The following BABAM2 variants were observed in gnomAD, a reference collection of about 807,000 sequenced individuals.
The protein encoded by BABAM2 is BRISC and BRCA1-A complex member 2.
Under a neutral mutation model 54.7 loss-of-function variants are expected in BABAM2, and 31 were observed. The ratio of observed to expected loss-of-function variants is 0.57; its 90% confidence interval spans 0.43 to 0.77. The LOEUF (loss-of-function observed/expected upper bound fraction) is 0.77, where lower values mean the gene tolerates loss of function less well. BABAM2 is among the 30% of genes least tolerant of loss of function. The pLI, the probability that BABAM2 is intolerant of heterozygous loss-of-function variation, is 0.00. For missense variants in BABAM2, 364 were observed against 455.8 expected (o/e 0.80, Z 1.83); for synonymous variants, 167 against 162.9 (o/e 1.03, Z -0.19).
At chr2:28,189,149 C>A (rs1388495656) in intron 7 of BABAM2, among the ~76,000 whole-genome samples, 2 of 149,978 alleles carry the variant, frequency 1.3e-5, no homozygotes, top group African/African-American at 4.9e-5. Flanking sequence ...TGCAGTGAGT[C>A]AAAATTGTCC....
chr2:28,193,180 A>G (rs1233729266), intron 7 of BABAM2, among the ~76,000 whole-genome samples: 1 of 152,182 alleles, frequency 6.6e-6, no homozygotes, highest in Non-Finnish European at 1.5e-5. Flanking sequence ...CAAAAAAGAA[A>G]CAAAGAAATA....
chr2:28,091,540 C>A (rs1395613080), intron 6 of BABAM2, among the ~76,000 whole-genome samples: 1 of 152,182 alleles, frequency 6.6e-6, no homozygotes, highest in African/African-American at 2.4e-5. Context: ...ATCTCCAAAG[C>A]TCTTTCCAGT....
intron 11 of BABAM2, among the ~76,000 whole-genome samples, chr2:28,330,825 TA>T (rs113229170): frequency 1.3e-5 from 2 of 152,242 alleles, no homozygotes; most frequent in Non-Finnish European, 2.9e-5. Flanking sequence ...AGAATTTTTT[TA>T]AAAATTCTAC....
chr2:28,045,136 T>C (rs2148610544), intron 5 of BABAM2, among the ~76,000 whole-genome samples: 1 of 152,234 alleles, frequency 6.6e-6, no homozygotes, highest in Non-Finnish European at 1.5e-5. Flanking sequence ...TCGCCAAACC[T>C]CCGTACCTCT....
In BABAM2 at chr2:28,195,724, C is replaced by T. The variant is rs114741567; in HGVS notation, c.681-41478C>T. 9.4e-3 allele frequency among the ~76,000 whole-genome samples: 1,438 copies of T among 152,244 alleles called. 13 individuals carry two copies. Among genetic ancestry groups the T allele is most frequent in the Non-Finnish European group, 0.015 (1,042 of 68,024 alleles). On this transcript the variant is annotated intron_variant, in intron 7 of 11. Coordinates refer to ENST00000379624, the MANE Select transcript of BABAM2 (RefSeq NM_199191.3). ...CTTTATAAAAGTGACTGTCATAGGACAGTAAGTGTATTTGACACAGGCCAT... is the reference window on the plus strand; with the variant it reads ...CTTTATAAAAGTGACTGTCATAGGATAGTAAGTGTATTTGACACAGGCCAT...
chr2:28,173,545 A>C (rs1371614585), intron 7 of BABAM2, among the ~76,000 whole-genome samples: 1 of 152,222 alleles, frequency 6.6e-6, no homozygotes, highest in African/African-American at 2.4e-5. Context: ...GCAGTGACCC[A>C]GCATAGTGCT....
chr2:28,044,449 T>G (rs1273049645), intron 5 of BABAM2, among the ~76,000 whole-genome samples: 2 of 152,190 alleles, frequency 1.3e-5, no homozygotes, highest in African/African-American at 4.8e-5. Flanking sequence ...CAGGCTGGTC[T>G]CGATGTCCTG....
intron 10 of BABAM2, among the ~76,000 whole-genome samples, chr2:28,264,890 A>G (rs1031361787): frequency 5.3e-5 from 8 of 152,220 alleles, no homozygotes; most frequent in Non-Finnish European, 1.2e-4. Context: ...CAGAAAACCA[A>G]CACAATCTGA....
intron 10 of BABAM2, among the ~76,000 whole-genome samples, chr2:28,271,089 GAA>G: frequency 6.6e-6 from 1 of 152,292 alleles, no homozygotes; most frequent in East Asian, 1.9e-4. Context: ...TCCCAGTTTG[GAA>G]GATAGCTGTC....
chr2:28,195,745 G>A (rs565448680), intron 7 of BABAM2, among the ~76,000 whole-genome samples: 1 of 152,186 alleles, frequency 6.6e-6, no homozygotes, highest in South Asian at 2.1e-4. Flanking sequence ...TTTGACACAG[G>A]CCATCAGCAG....
intron 4 of BABAM2, among the ~76,000 whole-genome samples, chr2:27,991,731 A>T (rs1672787849): frequency 6.6e-6 from 1 of 152,142 alleles, no homozygotes; most frequent in African/African-American, 2.4e-5. Context: ...TTATTTTCTT[A>T]TTGCCAAATA....
chr2:28,128,313 G>A (rs1045444552), intron 6 of BABAM2, among the ~76,000 whole-genome samples: 2 of 152,172 alleles, frequency 1.3e-5, no homozygotes, highest in African/African-American at 4.8e-5. Flanking sequence ...TTGACTTGGA[G>A]CCACTACCAA....
intron 11 of BABAM2, among the ~76,000 whole-genome samples, chr2:28,319,077 T>C (rs1481508413): frequency 6.6e-6 from 1 of 152,166 alleles, no homozygotes; most frequent in Non-Finnish European, 1.5e-5. Flanking sequence ...CCTTTAAAAA[T>C]GCAAATTAGG....
At chr2:28,256,774 A>G (rs898207764) in intron 10 of BABAM2, among the ~76,000 whole-genome samples, 4 of 142,978 alleles carry the variant, frequency 2.8e-5, no homozygotes, top group East Asian at 4.1e-4. Context: ...AGCTCACTGC[A>G]GCCTCTGTCT....
intron 10 of BABAM2, among the ~76,000 whole-genome samples, chr2:28,278,715 G>A (rs1368518899): frequency 1.3e-5 from 2 of 152,176 alleles, no homozygotes; most frequent in African/African-American, 4.8e-5. Flanking sequence ...AAACAGATCT[G>A]GGAAAGGCCA....
rs184952991 is a variant in BABAM2, at chr2:28,243,713, A to T, written c.852-1067A>T. Among the ~76,000 whole-genome samples, 903 of 152,276 alleles carry T rather than the reference A, an allele frequency of 5.9e-3. 7 individuals are homozygous for T. The highest frequency in any genetic ancestry group is 8.4e-3 in the African/African-American group (347 of 41,550). On this transcript the variant is annotated intron_variant, in intron 9 of 11. Transcript: ENST00000379624. ...TAGGGTGAGACTCTGTCTCAAAAAA[A>T]AAATAAATAAATTCATAGAAATATA...
intron 9 of BABAM2, among the ~76,000 whole-genome samples, chr2:28,244,124 C>T (rs1682703194): frequency 6.6e-6 from 1 of 152,138 alleles, no homozygotes; most frequent in South Asian, 2.1e-4. Flanking sequence ...ATATGCATCT[C>T]CCTTCCTGAA....
At chr2:28,073,627 C>T (rs1664374073) in intron 6 of BABAM2, among the ~76,000 whole-genome samples, 3 of 152,072 alleles carry the variant, frequency 2.0e-5, no homozygotes, top group Admixed American at 6.6e-5. Context: ...GAAATGAACA[C>T]TAATAATAAT....
chr2:28,031,818 A>G (rs1676311865), intron 5 of BABAM2, among the ~76,000 whole-genome samples: 1 of 152,144 alleles, frequency 6.6e-6, no homozygotes, highest in Non-Finnish European at 1.5e-5. Context: ...CTCAAGAGAG[A>G]TGTTCAGTGG....
Sources: gnomAD v4.1 joint callset for allele counts (sites outside exome capture counted in the v4.1 genomes callset) on GRCh38, gnomAD v4.1.1 for gene constraint, MANE v1.5 for transcripts, NCBI Gene and HGNC (gene_info 2026-07-23, HGNC 2026-07-21) for gene names.